The following NRG3 variants were observed in gnomAD, a reference collection of about 807,000 sequenced individuals.
The protein encoded by NRG3 is neuregulin 3, also known as pro-neuregulin-3, membrane-bound isoform.
In NRG3, 31 loss-of-function variants were observed where a neutral mutation model predicts 66.9. The ratio of observed to expected loss-of-function variants is 0.46; its 90% CI spans 0.35 to 0.63. The LOEUF is 0.63. NRG3 is among the 20% of genes least tolerant of loss of function. The pLI is 0.00. For missense variants in NRG3, 910 were observed against 878.9 expected, an observed-to-expected ratio of 1.04 and a Z score of -0.45; for synonymous variants, 393 against 359.4, an observed-to-expected ratio of 1.09 and a Z score of -1.06.
chr10:82,042,924 C>T (rs2224114), intron 1 of NRG3, among the ~76,000 whole-genome samples: 131,088 of 152,002 alleles, frequency 0.86, 58,452 homozygotes, highest in South Asian at 0.99. Flanking sequence ...CACATAATGG[C>T]AACATTCGCA....
intron 1 of NRG3, among the ~76,000 whole-genome samples, chr10:82,125,341 ACT>A (rs2068369331): frequency 6.6e-6 from 1 of 151,840 alleles, no homozygotes; most frequent in South Asian, 2.1e-4. Context: ...TCTTCACCAA[ACT>A]CTGCTCTTTG....
chr10:82,481,375 T>G (rs1405525547), intron 2 of NRG3, among the ~76,000 whole-genome samples: 1 of 152,182 alleles, frequency 6.6e-6, no homozygotes, highest in African/African-American at 2.4e-5. Context: ...TGATCCCCCT[T>G]ATTTGCCAGG....
intron 3 of NRG3, among the ~76,000 whole-genome samples, chr10:82,856,274 G>A (rs893837744): frequency 1.3e-5 from 2 of 152,094 alleles, no homozygotes; most frequent in African/African-American, 4.8e-5. Context: ...GTGGAGCAAT[G>A]AAAGAGTGAG....
At chr10:81,892,184 G>A (rs1264739550) in intron 1 of NRG3, among the ~76,000 whole-genome samples, 1 of 152,052 alleles carries the variant, frequency 6.6e-6, no homozygotes, top group Admixed American at 6.6e-5. Flanking sequence ...TTGGTAGCCA[G>A]CTATAGGTGT....
chr10:82,826,398 G>A (rs539283343), intron 3 of NRG3, among the ~76,000 whole-genome samples: 1 of 152,312 alleles, frequency 6.6e-6, no homozygotes, highest in Admixed American at 6.5e-5. Flanking sequence ...TTTAAAAGAT[G>A]CGTAAGTTTC....
intron 1 of NRG3, among the ~76,000 whole-genome samples, chr10:82,353,867 G>C (rs770415677): frequency 3.3e-5 from 5 of 151,528 alleles, no homozygotes; most frequent in African/African-American, 1.2e-4. Flanking sequence ...TTTTCTTCTC[G>C]TTTGTCCTCT....
intron 1 of NRG3, among the ~76,000 whole-genome samples, chr10:82,122,153 G>T (rs1314638687): frequency 1.3e-5 from 2 of 152,138 alleles, no homozygotes; most frequent in East Asian, 3.9e-4. Context: ...TTAGAATAGT[G>T]CCTCACATGG....
At chr10:82,913,356 A>T (rs1260556171) in intron 4 of NRG3, among the ~76,000 whole-genome samples, 3 of 152,248 alleles carry the variant, frequency 2.0e-5, no homozygotes, top group Admixed American at 6.5e-5. Context: ...AAGAAAAATA[A>T]ACATTTTATT....
intron 1 of NRG3, among the ~76,000 whole-genome samples, chr10:82,038,455 A>G (rs2062889063): frequency 6.6e-6 from 1 of 152,052 alleles, no homozygotes; most frequent in Non-Finnish European, 1.5e-5. Flanking sequence ...AGCTGGTTGG[A>G]GCAGTTACAT....
intron 1 of NRG3, among the ~76,000 whole-genome samples, chr10:82,229,969 T>G (rs555967352): frequency 6.4e-4 from 97 of 152,096 alleles, no homozygotes; most frequent in African/African-American, 2.3e-3. Flanking sequence ...ATTGTCAGGA[T>G]AGATGAAAAT....
At chr10:82,537,432 T>G (rs2043238157) in intron 2 of NRG3, among the ~76,000 whole-genome samples, 1 of 152,012 alleles carries the variant, frequency 6.6e-6, no homozygotes, top group Admixed American at 6.5e-5. Flanking sequence ...TTTTATTGAG[T>G]TGTAAATTGG....
intron 4 of NRG3, among the ~76,000 whole-genome samples, chr10:82,901,657 C>T (rs544072849): frequency 2.6e-5 from 4 of 152,280 alleles, no homozygotes; most frequent in African/African-American, 9.6e-5. Context: ...ACATACAGAA[C>T]AGGTGAAGAT....
chr10:82,857,614 G>A (rs535096312), intron 3 of NRG3, among the ~76,000 whole-genome samples: 1 of 152,264 alleles, frequency 6.6e-6, no homozygotes, highest in East Asian at 1.9e-4. Flanking sequence ...CTGACATTTA[G>A]TTTATTTTAC....
At chr10:82,252,850 G>A (rs780325590) in intron 1 of NRG3, among the ~76,000 whole-genome samples, 2 of 152,104 alleles carry the variant, frequency 1.3e-5, no homozygotes, top group African/African-American at 4.8e-5. Context: ...ACACCTGGCT[G>A]TATTACTTTC....
chr10:82,827,715 C>T (rs1311182836), intron 3 of NRG3, among the ~76,000 whole-genome samples: 3 of 152,040 alleles, frequency 2.0e-5, no homozygotes, highest in Admixed American at 6.6e-5. Context: ...TTAATTCACT[C>T]GAAGCAGAGA....
intron 1 of NRG3, among the ~76,000 whole-genome samples, chr10:82,051,411 T>A (rs1014232550): frequency 1.1e-4 from 17 of 152,200 alleles, no homozygotes; most frequent in African/African-American, 4.1e-4. Flanking sequence ...GAGTCTCTGA[T>A]CCCGTGAGGA....
At chr10:82,120,898 C>T (rs7079698) in intron 1 of NRG3, among the ~76,000 whole-genome samples, 4,924 of 152,162 alleles carry the variant, frequency 0.032, 106 homozygotes, top group Non-Finnish European at 0.041. Context: ...CACATGCCTC[C>T]GTACCCATGT....
intron 1 of NRG3, among the ~76,000 whole-genome samples, chr10:81,936,165 GA>G (rs1847850867): frequency 6.6e-6 from 1 of 152,198 alleles, no homozygotes; most frequent in East Asian, 1.9e-4. Context: ...GGGACCTGGG[GA>G]AAAAACTGAA....
intron 1 of NRG3, among the ~76,000 whole-genome samples, chr10:82,130,641 T>G (rs967936063): frequency 5.3e-5 from 8 of 152,330 alleles, no homozygotes; most frequent in African/African-American, 1.9e-4. Context: ...GTTGTTGTAC[T>G]GATTTGCCTT....
Sources: gnomAD v4.1 joint callset for allele counts (sites outside exome capture counted in the v4.1 genomes callset) on GRCh38, gnomAD v4.1.1 for gene constraint, MANE v1.5 for transcripts, NCBI Gene and HGNC (gene_info 2026-07-23, HGNC 2026-07-21) for gene names.